Variants in NEK10 observed in about 807,000 individuals in gnomAD.
NEK10 encodes NIMA related kinase 10, also known as serine/threonine-protein kinase Nek10.
A neutral mutation model predicts 159.8 loss-of-function variants in NEK10; 122 were observed. The observed-to-expected ratio is 0.76, with a 90% CI of 0.66 to 0.89. NEK10 has a LOEUF of 0.89. NEK10 is among the 40% of genes least tolerant of loss of function. NEK10 has a pLI of 0.00. For synonymous variants in NEK10, 466 were observed against 457.1 expected, an observed-to-expected ratio of 1.02 and a Z score of -0.25; for missense variants, 1,342 against 1,323.1, an observed-to-expected ratio of 1.01 and a Z score of -0.22.
chr3:27,255,254 C>T, intron 23 of NEK10: 1 of 422,332 alleles, frequency 2.4e-6, no homozygotes, highest in South Asian at 1.8e-5. Context: ...TTGCAGCTTA[C>T]AAGGTACATG....
At chr3:27,314,660 A>G (rs549995447) in intron 6 of NEK10, among the ~76,000 whole-genome samples, 187 of 152,306 alleles carry the variant, frequency 1.2e-3, no homozygotes, top group African/African-American at 4.5e-3. Flanking sequence ...ATTTCATTCA[A>G]TATTCTCATG....
chr3:27,217,116 AT>A (rs1165145591), intron 23 of NEK10, among the ~76,000 whole-genome samples: 1 of 152,122 alleles, frequency 6.6e-6, no homozygotes, highest in Non-Finnish European at 1.5e-5. Flanking sequence ...CTAACCTCTG[AT>A]TTTTTTATCT....
At chr3:27,152,821 C>T (rs1450577480) in intron 30 of NEK10, among the ~76,000 whole-genome samples, 1 of 152,106 alleles carries the variant, frequency 6.6e-6, no homozygotes, top group Non-Finnish European at 1.5e-5. Flanking sequence ...TGGAAAAAGG[C>T]ATTTCATGCA....
At chr3:27,244,305 G>A (rs1304303642) in intron 23 of NEK10, among the ~76,000 whole-genome samples, 1 of 152,202 alleles carries the variant, frequency 6.6e-6, no homozygotes, top group Non-Finnish European at 1.5e-5. Context: ...TAAAGGCATT[G>A]AACATCCCCT....
intron 22 of NEK10, among the ~76,000 whole-genome samples, chr3:27,281,801 A>G (rs182031932): frequency 6.6e-6 from 1 of 152,304 alleles, no homozygotes; most frequent in Non-Finnish European, 1.5e-5. Context: ...TGAAACCCAG[A>G]GTACACTGCA....
chr3:27,359,184 A>G (rs1415539605), intron 1 of NEK10, among the ~76,000 whole-genome samples: 1 of 138,670 alleles, frequency 7.2e-6, no homozygotes, highest in Admixed American at 7.5e-5. Flanking sequence ...CCTGGACAAC[A>G]GAATGAAACT....
chr3:27,217,832 C>G (rs1014082226), intron 23 of NEK10, among the ~76,000 whole-genome samples: 1 of 152,014 alleles, frequency 6.6e-6, no homozygotes, highest in Non-Finnish European at 1.5e-5. Flanking sequence ...TTCTAAGACC[C>G]CCAGTGGATG....
chr3:27,305,074 A>G (rs894447337), intron 11 of NEK10, 103 bp from the exon 12 acceptor site: 5 of 730,342 alleles, frequency 6.8e-6, no homozygotes, highest in Non-Finnish European at 1.1e-5. Context: ...TAACCCTAAC[A>G]TTTTGTAAGT....
chr3:27,289,925 G>A (rs1296035175), intron 19 of NEK10, among the ~76,000 whole-genome samples: 1 of 152,224 alleles, frequency 6.6e-6, no homozygotes, highest in Non-Finnish European at 1.5e-5. Flanking sequence ...CAGATGCTAT[G>A]CAAATGTGAC....
rs770004930 is a variant in NEK10 at position 27,304,959 on chromosome 3, C to T, written c.816G>A (p.Glu272=). The T allele has an allele frequency of 6.2e-7, 1 of 1,610,844 alleles. No homozygotes were observed. Among genetic ancestry groups the T allele is most frequent in the South Asian group, 1.1e-5 (1 of 90,880 alleles). ...YDLLSKRLTA[E]LLRLLCAEPQ... ...GCTCTGCACAAAGTAGGCGCAGCAA[C>T]TCCGCTGTTAGTCTGAAAGGGGTAC... The change falls in exon 12 of 36, where the codon GAG becomes GAA. Residue 272 remains glutamate (E), a synonymous_variant. Transcript: ENST00000691995.
At chr3:27,132,444 G>A (rs1207582906) in intron 31 of NEK10, among the ~76,000 whole-genome samples, 2 of 152,180 alleles carry the variant, frequency 1.3e-5, no homozygotes, top group Admixed American at 6.5e-5. Flanking sequence ...AGTATATATA[G>A]TCAGATGCCT....
At chr3:27,281,517 A>T (rs1038898986) in intron 22 of NEK10, among the ~76,000 whole-genome samples, 1 of 152,078 alleles carries the variant, frequency 6.6e-6, no homozygotes, top group African/African-American at 2.4e-5. Flanking sequence ...AAATGCCTTT[A>T]AAACTTGAGA....
chr3:27,144,158 T>C (rs1944059672), intron 30 of NEK10, among the ~76,000 whole-genome samples: 1 of 152,178 alleles, frequency 6.6e-6, no homozygotes, highest in African/African-American at 2.4e-5. Context: ...TGTAAACAAA[T>C]GGTGACATAT....
intron 26 of NEK10, among the ~76,000 whole-genome samples, chr3:27,182,009 A>G (rs1471128364): frequency 1.3e-5 from 2 of 152,194 alleles, no homozygotes. Context: ...ATCAAATTTG[A>G]CAAAGAACAA....
chr3:27,175,971 T>A (rs563262393), intron 26 of NEK10, among the ~76,000 whole-genome samples: 9 of 152,326 alleles, frequency 5.9e-5, no homozygotes, highest in South Asian at 4.1e-4. Context: ...ATGTGTTTTT[T>A]ATTTTTTTCC....
intron 13 of NEK10, 114 bp downstream of exon 13, chr3:27,301,582 C>T (rs1465350458): frequency 3.8e-6 from 3 of 787,680 alleles, no homozygotes; most frequent in South Asian, 3.7e-5. Flanking sequence ...TTTCACTTTA[C>T]ATTTTTGTAA....
At chr3:27,347,111 C>CA (rs796502148) in intron 3 of NEK10, among the ~76,000 whole-genome samples, 4 of 152,064 alleles carry the variant, frequency 2.6e-5, no homozygotes, top group African/African-American at 9.6e-5. Flanking sequence ...TATAACATAA[C>CA]AAAAAAATCA....
At chr3:27,117,690 ATTTG>A in intron 33 of NEK10, among the ~76,000 whole-genome samples, 1 of 152,142 alleles carries the variant, frequency 6.6e-6, no homozygotes, top group African/African-American at 2.4e-5. Context: ...TTTCTTGTAA[ATTTG>A]TTTAAGTTCC....
rs1208016698 is a variant in NEK10, at chr3:27,351,727, A to G, written c.132+738T>C. Among the ~76,000 whole-genome samples the G allele has an allele frequency of 2.6e-5, 4 of 152,234 alleles. No individual in the cohort carries two copies. The South Asian group carries it at 6.2e-4, about 24-fold the overall frequency. ...CTTAAACAGATTTACTTAAGCAAGA[A>G]CAATGTAGACTTTAGAGCCAGACTA... On this transcript the variant is annotated intron_variant, in intron 3 of 35. Transcript: ENST00000691995.
Sources: allele counts gnomAD v4.1 joint callset (sites outside exome capture counted in the v4.1 genomes callset), GRCh38; gene constraint gnomAD v4.1.1; transcripts MANE v1.5; gene names NCBI Gene and HGNC (gene_info 2026-07-23, HGNC 2026-07-21).